Variants in NDST1 observed in about 807,000 individuals in gnomAD.
NDST1 encodes bifunctional heparan sulfate N-deacetylase/N-sulfotransferase 1.
A neutral mutation model predicts 92.8 loss-of-function variants in NDST1; 35 were observed. The observed-to-expected ratio is 0.38, with a 90% CI of 0.29 to 0.50. The LOEUF (loss-of-function observed/expected upper bound fraction) is 0.50. Among genes scored for constraint, NDST1 ranks in the 20% least tolerant of loss-of-function variants. NDST1 has a pLI of 0.94. For missense variants in NDST1, 822 were observed against 1,182.7 expected (o/e 0.69, Z 4.47); for synonymous variants, 493 against 500.3 (o/e 0.99, Z 0.19).
At chr5:150,546,553 T>C (rs1755493200) in intron 11 of NDST1, among the ~76,000 whole-genome samples, 1 of 152,174 alleles carries the variant, frequency 6.6e-6, no homozygotes, top group South Asian at 2.1e-4. Flanking sequence ...GTGCTTGGTG[T>C]TGGGGAGGGG....
chr5:150,543,086 C>T, intron 10 of NDST1, 115 bp downstream of exon 10: 1 of 1,387,480 alleles, frequency 7.2e-7, no homozygotes, highest in Non-Finnish European at 1.0e-6. Context: ...AGCTGTCATT[C>T]CTGTAAACAG....
In NDST1 at chr5:150,556,285, C is replaced by A. The variant is rs1755868290; in HGVS notation, c.*2953C>A. The A allele has an allele frequency of 6.6e-6, 1 of 152,180 alleles. No homozygotes were observed. The highest frequency in any genetic ancestry group is 1.5e-5 in the Non-Finnish European group (1 of 68,060). The allele number at this position is 152,180 out of a possible 1,614,324, so 9.4% of individuals were successfully genotyped here. On this transcript the variant is annotated 3_prime_UTR_variant, in exon 15 of 15. Coordinates refer to ENST00000261797, the MANE Select transcript of NDST1 (RefSeq NM_001543.5). ...GCAGCTGCCTCAGTCATTCAGAGTT[C>A]CAGAGCCTTCTGTGGTGGAGCATCC...
intron 1 of NDST1, among the ~76,000 whole-genome samples, chr5:150,498,965 G>T (rs1459551597): frequency 6.6e-6 from 1 of 152,184 alleles, no homozygotes; most frequent in African/African-American, 2.4e-5. Context: ...GGCCTCTGAA[G>T]TTCTAGAGGT....
At chr5:150,539,980 G>A (rs964411347) in intron 7 of NDST1, 102 bp from the exon 8 acceptor site, 15 of 1,448,390 alleles carry the variant, frequency 1.0e-5, no homozygotes, top group Middle Eastern at 1.8e-4. Context: ...TGGTCATCAG[G>A]AGCCTTGCAA....
At chr5:150,526,425 G>T (rs1219123061) in intron 2 of NDST1, among the ~76,000 whole-genome samples, 1 of 152,190 alleles carries the variant, frequency 6.6e-6, no homozygotes, top group Non-Finnish European at 1.5e-5. Flanking sequence ...ATGAACAGAT[G>T]AAACCTGTAT....
At position 150,534,848 on chromosome 5, in the gene NDST1, G is replaced by T. The variant is rs1172093733; in HGVS notation, c.1097-19G>T. The stretch of plus-strand genomic sequence containing the variant: ...CTCATGGCCCAGTGGGTGGTTCTGA[G>T]CTGCCTGTGTTGCTGCAGGTACCAA... On this transcript the variant is annotated intron_variant, in intron 4 of 14. Transcript: ENST00000261797. 6.2e-7 allele frequency: 1 copy of T among 1,614,152 alleles called. No homozygotes were observed. The highest frequency in any genetic ancestry group is 2.2e-5 in the East Asian group (1 of 44,908).
At chr5:150,531,164 C>T (rs1278957673) in intron 3 of NDST1, among the ~76,000 whole-genome samples, 1 of 151,956 alleles carries the variant, frequency 6.6e-6, no homozygotes. Context: ...ACTGGCTGTA[C>T]AGCGCAATTT....
chr5:150,525,730 C>T (rs1754445217), intron 2 of NDST1, among the ~76,000 whole-genome samples: 1 of 152,136 alleles, frequency 6.6e-6, no homozygotes, highest in Admixed American at 6.5e-5. Flanking sequence ...CTGCAACGGG[C>T]ACAGGCTCAG....
chr5:150,552,910 G>T (rs1013915259), intron 14 of NDST1, among the ~76,000 whole-genome samples: 8 of 152,180 alleles, frequency 5.3e-5, no homozygotes, highest in Non-Finnish European at 1.0e-4. Context: ...GCAATCGCGT[G>T]ATCTTGGCTC....
At position 150,556,757 on chromosome 5, in the gene NDST1, C is replaced by T. The variant is rs1163633794; in HGVS notation, c.*3425C>T. 6.6e-6 allele frequency: 1 copy of T among 152,446 alleles called. No homozygotes were observed. Among genetic ancestry groups the T allele is most frequent in the African/African-American group, 2.4e-5 (1 of 41,442 alleles). 9.4% of individuals were successfully genotyped at this position (152,446 alleles called of 1,614,324 possible). Reference sequence around the variant, plus strand: ...GCCAAGACGAGAAGTCATTTCCCAGCGATGTCTGCTATCTAATCTGTATTC... The same window carrying T: ...GCCAAGACGAGAAGTCATTTCCCAGTGATGTCTGCTATCTAATCTGTATTC... On this transcript the variant is annotated 3_prime_UTR_variant, in exon 15 of 15. Coordinates refer to ENST00000261797, the MANE Select transcript of NDST1 (RefSeq NM_001543.5).
chr5:150,541,658 A>G lies in NDST1; in HGVS notation c.1838A>G (p.Gln613Arg). ...RFPKLLIIGPQKTGTTALYLF... is the reference protein window; with the variant it reads ...RFPKLLIIGPRKTGTTALYLF... Reference sequence around the variant, plus strand: ...CCAAAGCTCCTCATCATCGGCCCCCAGAAAACAGGCAGGTCTCTCTGCTCT... The same window carrying G: ...CCAAAGCTCCTCATCATCGGCCCCCGGAAAACAGGCAGGTCTCTCTGCTCT... Residue 613 changes from glutamine (Q) to arginine (R), a missense_variant, in exon 9 of 15, where the codon CAG becomes CGG. Gln to Arg is a conservative substitution (Grantham distance 43). Transcript: ENST00000261797. 1 of 1,614,156 alleles carries G rather than the reference A, an allele frequency of 6.2e-7. No homozygotes were observed. Among genetic ancestry groups the G allele is most frequent in the Non-Finnish European group, 8.5e-7 (1 of 1,180,002 alleles).
chr5:150,546,357 G>A (rs903788444), intron 11 of NDST1, among the ~76,000 whole-genome samples: 2 of 152,204 alleles, frequency 1.3e-5, no homozygotes, highest in Non-Finnish European at 2.9e-5. Context: ...AGCCCACTGA[G>A]CCTGCAGGAA....
In NDST1 at chr5:150,535,015, C is replaced by G. The variant is rs772329738; in HGVS notation, c.1245C>G (p.Phe415Leu). 6.2e-7 allele frequency: 1 copy of G among 1,613,932 alleles called. No individual in the cohort carries two copies. Among genetic ancestry groups the G allele is most frequent in the South Asian group, 1.1e-5 (1 of 91,050 alleles). ...LAEQMALNKKFAVEHGIPTDM... is the reference protein window; with the variant it reads ...LAEQMALNKKLAVEHGIPTDM... ...AGCAGATGGCCTTGAACAAGAAGTT[C>G]GCTGTCGTGAGTAAGATTCCTTGCA... The change falls in exon 5 of 15, where the codon TTC becomes TTG. Residue 415 changes from phenylalanine (F) to leucine (L), a missense_variant. Transcript: ENST00000261797.
At chr5:150,517,668 C>T (rs144173276) in intron 1 of NDST1, among the ~76,000 whole-genome samples, 16 of 152,304 alleles carry the variant, frequency 1.1e-4, no homozygotes, top group African/African-American at 9.6e-5. Context: ...CTCTGGCAAC[C>T]GTGTGCATTT....
intron 1 of NDST1, 98 bp downstream of exon 1, chr5:150,508,324 T>TGTGG (rs1753558992): frequency 9.6e-6 from 1 of 104,602 alleles, no homozygotes; most frequent in Admixed American, 9.9e-5. Flanking sequence ...TCCATCTGAG[T>TGTGG]GTGTGTGTGT....
At chr5:150,541,513 G>A in intron 8 of NDST1, 57 bp from the exon 9 acceptor site, 7 of 1,447,906 alleles carry the variant, frequency 4.8e-6, no homozygotes, top group African/African-American at 1.4e-5. Context: ...ATGTGCAGTG[G>A]GAGTCCACTG....
chr5:150,541,701 C>T (rs762596917), intron 9 of NDST1, 35 bp downstream of exon 9: 1 of 1,587,322 alleles, frequency 6.3e-7, no homozygotes, highest in Admixed American at 1.7e-5. Flanking sequence ...GCTTCCCCAA[C>T]TGCCTGCTGT....
At chr5:150,532,163 G>A (rs1754772202) in intron 3 of NDST1, among the ~76,000 whole-genome samples, 1 of 152,094 alleles carries the variant, frequency 6.6e-6, no homozygotes, top group African/African-American at 2.4e-5. Context: ...TTTAGAGCAG[G>A]GTCTTACAGT....
At chr5:150,528,744 G>A (rs1239626212) in intron 3 of NDST1, among the ~76,000 whole-genome samples, 19 of 152,086 alleles carry the variant, frequency 1.2e-4, no homozygotes, top group Non-Finnish European at 2.6e-4. Context: ...GCAGTGAGCC[G>A]AGATTGTGCC....
Sources: gnomAD v4.1 joint callset for allele counts (sites outside exome capture counted in the v4.1 genomes callset) on GRCh38, gnomAD v4.1.1 for gene constraint, MANE v1.5 for transcripts, NCBI Gene and HGNC (gene_info 2026-07-23, HGNC 2026-07-21) for gene names.